The following TRIM37 variants were observed in gnomAD, a reference collection of about 807,000 sequenced individuals.
TRIM37 encodes E3 ubiquitin-protein ligase TRIM37.
Under a neutral mutation model 129.8 loss-of-function variants are expected in TRIM37, and 80 were observed. The ratio of observed to expected loss-of-function variants is 0.62; its 90% CI spans 0.51 to 0.74. The LOEUF (loss-of-function observed/expected upper bound fraction) is 0.74. TRIM37 is among the 30% of genes least tolerant of loss of function. TRIM37 has a pLI of 0.00. For synonymous variants in TRIM37, 389 were observed against 387.1 expected (o/e 1.00, Z -0.06); for missense variants, 1,054 against 1,176.5 (o/e 0.90, Z 1.52).
chr17:58,980,213 A>G (rs750572348), downstream of TRIM37: 60 of 1,614,090 alleles, frequency 3.7e-5, no homozygotes, highest in Non-Finnish European at 5.0e-5. The surrounding 1 kb of genome is among the most constrained non-coding windows in gnomAD (Gnocchi z 4.7). Context: ...CATCACGGTT[A>G]TTGTGGTATT....
intron 5 of TRIM37, 92 bp downstream of exon 5, chr17:59,083,910 G>A (rs961612096): frequency 1.2e-5 from 12 of 1,013,180 alleles, no homozygotes; most frequent in African/African-American, 3.2e-5. Flanking sequence ...TTCATTCTAC[G>A]AGAGCATAAT....
chr17:59,049,505 A>T, intron 14 of TRIM37, 112 bp from the exon 15 acceptor site: 1 of 970,954 alleles, frequency 1.0e-6, no homozygotes, highest in Non-Finnish European at 1.6e-6. Flanking sequence ...TGCTTTATTT[A>T]TTTTTTGAGA....
the TRIM37 span, chr17:58,969,494 A>G: frequency 6.3e-7 from 1 of 1,582,546 alleles, no homozygotes; most frequent in Non-Finnish European, 8.7e-7. Flanking sequence ...CATTTGAATC[A>G]TGCTATACCC....
chr17:59,066,039 T>C (rs1053373543), intron 9 of TRIM37, among the ~76,000 whole-genome samples: 5 of 152,184 alleles, frequency 3.3e-5, no homozygotes, highest in African/African-American at 1.2e-4. Context: ...CATATCCTTT[T>C]GCCTGGTTAA....
At chr17:59,102,414 G>A (rs768075743) in intron 2 of TRIM37, among the ~76,000 whole-genome samples, 2 of 152,090 alleles carry the variant, frequency 1.3e-5, no homozygotes, top group African/African-American at 2.4e-5. Context: ...TAACTATAAC[G>A]GAGTCCAATT....
At chr17:59,022,094 A>G (rs982154660) in intron 19 of TRIM37, among the ~76,000 whole-genome samples, 3 of 152,186 alleles carry the variant, frequency 2.0e-5, no homozygotes, top group Non-Finnish European at 4.4e-5. Context: ...ATAGCATAGA[A>G]AAGGACAAAA....
intron 22 of TRIM37, among the ~76,000 whole-genome samples, chr17:59,003,587 A>C (rs2034063394): frequency 6.6e-6 from 1 of 151,852 alleles, no homozygotes; most frequent in Non-Finnish European, 1.5e-5. Context: ...CATACTGATG[A>C]AGACTGAATT....
chr17:58,985,329 C>T (rs2031699444), intron 24 of TRIM37, among the ~76,000 whole-genome samples: 1 of 152,162 alleles, frequency 6.6e-6, no homozygotes, highest in Admixed American at 6.6e-5. Flanking sequence ...CTAAATGCTG[C>T]TGTAACATTA....
chr17:59,049,155 T>C, intron 15 of TRIM37, 23 bp downstream of exon 15: 1 of 1,597,408 alleles, frequency 6.3e-7, no homozygotes, highest in Non-Finnish European at 8.6e-7. Flanking sequence ...AACACAAAAA[T>C]CTAAAACTGG....
At chr17:59,088,223 A>C in intron 4 of TRIM37, 68 bp downstream of exon 4, 1 of 964,844 alleles carries the variant, frequency 1.0e-6, no homozygotes. Flanking sequence ...GCAACTACCA[A>C]TATAGTGTCA....
intron 8 of TRIM37, among the ~76,000 whole-genome samples, chr17:59,073,295 T>G (rs755733717): frequency 8.5e-5 from 13 of 152,146 alleles, no homozygotes; most frequent in African/African-American, 1.4e-4. Context: ...TTAATATTAT[T>G]TACTTTTTTT....
chr17:59,077,456 C>T (rs1457095069), intron 7 of TRIM37, among the ~76,000 whole-genome samples: 1 of 152,140 alleles, frequency 6.6e-6, no homozygotes, highest in Non-Finnish European at 1.5e-5. Context: ...ACTATAACCA[C>T]ATCCCACAAT....
At chr17:59,057,970 T>C (rs942310210) in intron 12 of TRIM37, among the ~76,000 whole-genome samples, 17 of 152,224 alleles carry the variant, frequency 1.1e-4, no homozygotes, top group Non-Finnish European at 2.5e-4. Context: ...TCAAAGTTGC[T>C]TTTGTTTTAC....
chr17:58,998,084 TCG>T (rs2033182523), downstream of TRIM37: 2 of 437,460 alleles, frequency 4.6e-6, no homozygotes, highest in South Asian at 1.9e-4. Context: ...GCATCACTCC[TCG>T]CCATTAGACT....
intron 2 of TRIM37, among the ~76,000 whole-genome samples, chr17:59,095,921 T>C (rs942161387): frequency 2.6e-5 from 4 of 152,168 alleles, no homozygotes; most frequent in Non-Finnish European, 5.9e-5. Context: ...GATCTTGCCA[T>C]GTTGCTCAGC....
chr17:59,031,550 A>G (rs2037845743), intron 18 of TRIM37, among the ~76,000 whole-genome samples: 1 of 152,246 alleles, frequency 6.6e-6, no homozygotes, highest in African/African-American at 2.4e-5. Flanking sequence ...TTCAATTTAG[A>G]TATAGTTCCA....
intron 22 of TRIM37, among the ~76,000 whole-genome samples, chr17:59,009,595 G>A (rs1036678173): frequency 2.6e-5 from 4 of 151,738 alleles, no homozygotes; most frequent in Non-Finnish European, 2.9e-5. Context: ...ACAGGTGCCC[G>A]CCACCACACT....
At chr17:59,042,430 T>TAAAA (rs2039284587) in intron 16 of TRIM37, among the ~76,000 whole-genome samples, 1 of 92,170 alleles carries the variant, frequency 1.1e-5, no homozygotes, top group African/African-American at 5.5e-5. Flanking sequence ...AAAAAGGAAT[T>TAAAA]TAAAAAAAAA....
Position 59,041,902 on chromosome 17 carries a change from A to G in TRIM37, c.1668-4T>C. ...TTCCACATCATTTTCTCCAGACCTA[A>G]GAATATACAAAATCCATCATTTATA... On this transcript the variant is annotated splice_polypyrimidine_tract_variant and splice_region_variant and intron_variant, in intron 16 of 23. Coordinates refer to ENST00000262294, the MANE Select transcript of TRIM37 (RefSeq NM_015294.6). 6.2e-7 allele frequency: 1 copy of G among 1,604,296 alleles called. No homozygotes were observed. The highest frequency in any genetic ancestry group is 2.2e-5 in the East Asian group (1 of 44,788).
Sources: allele counts gnomAD v4.1 joint callset (sites outside exome capture counted in the v4.1 genomes callset), GRCh38; gene constraint gnomAD v4.1.1; non-coding constraint Gnocchi (gnomAD v3.1); transcripts MANE v1.5; gene names NCBI Gene and HGNC (gene_info 2026-07-23, HGNC 2026-07-21).